Variants in EXOC6B observed in about 807,000 individuals in gnomAD.
EXOC6B encodes the protein SEC15 homolog B.
EXOC6B carries 54 observed loss-of-function variants against 113.5 expected under a neutral mutation model. The observed-to-expected ratio is 0.48, with a 90% CI of 0.38 to 0.60. The LOEUF is 0.60. EXOC6B is among the 20% of genes least tolerant of loss of function. The pLI is 0.00. For synonymous variants in EXOC6B, 357 were observed against 339.0 expected (o/e 1.05, Z -0.58); for missense variants, 797 against 977.5 (o/e 0.82, Z 2.46).
intron 20 of EXOC6B, among the ~76,000 whole-genome samples, chr2:72,228,270 C>CT (rs200347940): frequency 0.018 from 2,715 of 151,318 alleles, 67 homozygotes; most frequent in African/African-American, 0.059. Context: ...TCTCAGGTTT[C>CT]TTTTTTTTTA....
chr2:72,655,103 G>A lies in EXOC6B; in HGVS notation c.669+63000C>T, dbSNP rs376080935. On this transcript the variant is annotated intron_variant, in intron 6 of 21. Coordinates refer to ENST00000272427, the MANE Select transcript of EXOC6B (RefSeq NM_015189.3). ...GAACAAGTATGGTTTTCCAACTTAC[G>A]TGAGACACATATTCAGTGTCCAGAA... Among the ~76,000 whole-genome samples, 150 of 152,108 alleles carry A rather than the reference G, an allele frequency of 9.9e-4. 1 individual carries two copies. Among genetic ancestry groups the A allele is most frequent in the African/African-American group, 3.0e-3 (126 of 41,500 alleles).
chr2:72,401,645 ACATATATATATATATATATATG>A (rs1693312868), intron 18 of EXOC6B, among the ~76,000 whole-genome samples: 1 of 49,984 alleles, frequency 2.0e-5, no homozygotes, highest in African/African-American at 2.0e-4. Flanking sequence ...ATACATATAT[ACATATATATATATATATATATG>A]TATATATATA....
At chr2:72,714,155 T>G (rs1482835254) in intron 6 of EXOC6B, among the ~76,000 whole-genome samples, 1 of 152,188 alleles carries the variant, frequency 6.6e-6, no homozygotes, top group Non-Finnish European at 1.5e-5. Context: ...ATTATTAGAT[T>G]TTAGAGTTTG....
chr2:72,607,778 G>A (rs1032150023), intron 6 of EXOC6B, among the ~76,000 whole-genome samples: 2 of 152,134 alleles, frequency 1.3e-5, no homozygotes, highest in African/African-American at 4.8e-5. Flanking sequence ...TATTGGGTCA[G>A]TTAAACAGAT....
intron 18 of EXOC6B, among the ~76,000 whole-genome samples, chr2:72,437,032 G>A (rs548299200): frequency 7.9e-5 from 12 of 152,276 alleles, no homozygotes; most frequent in Admixed American, 1.3e-4. Context: ...CCTCATCTCC[G>A]TGGATTTATC....
chr2:72,221,958 C>G (rs1011165648), intron 20 of EXOC6B, among the ~76,000 whole-genome samples: 3 of 152,096 alleles, frequency 2.0e-5, no homozygotes, highest in Non-Finnish European at 4.4e-5. Context: ...CAATTAACAG[C>G]ATCAAGATGA....
chr2:72,675,391 T>G (rs1052611032), intron 6 of EXOC6B, among the ~76,000 whole-genome samples: 1 of 152,240 alleles, frequency 6.6e-6, no homozygotes, highest in Non-Finnish European at 1.5e-5. Flanking sequence ...CTGTGCAAAC[T>G]GGATTAATTA....
chr2:72,617,799 G>A (rs1429061723), intron 6 of EXOC6B, among the ~76,000 whole-genome samples: 1 of 151,988 alleles, frequency 6.6e-6, no homozygotes, highest in Non-Finnish European at 1.5e-5. Flanking sequence ...ACAGGCTTGA[G>A]CCACCGCGCC....
At chr2:72,590,738 A>G (rs193023192) in intron 6 of EXOC6B, among the ~76,000 whole-genome samples, 1 of 152,180 alleles carries the variant, frequency 6.6e-6, no homozygotes, top group East Asian at 1.9e-4. Context: ...CTAGACAGGT[A>G]TGATCAGTAT....
chr2:72,264,879 G>A (rs13392901), intron 20 of EXOC6B, among the ~76,000 whole-genome samples: 2 of 152,060 alleles, frequency 1.3e-5, no homozygotes, highest in Non-Finnish European at 2.9e-5. Flanking sequence ...ATGCTGAACT[G>A]TGAGTCAATT....
chr2:72,641,581 C>A (rs1673239029), intron 6 of EXOC6B, among the ~76,000 whole-genome samples: 1 of 152,242 alleles, frequency 6.6e-6, no homozygotes, highest in Non-Finnish European at 1.5e-5. Context: ...TGGGCAGAGC[C>A]CACTGCAGCT....
At chr2:72,480,884 G>A (rs1240066891) in intron 16 of EXOC6B, 134 bp from the exon 17 acceptor site, 31 of 854,740 alleles carry the variant, frequency 3.6e-5, no homozygotes, top group Admixed American at 8.2e-5. Flanking sequence ...CAAGGGGTAT[G>A]TTAAAGCATG....
intron 1 of EXOC6B, among the ~76,000 whole-genome samples, chr2:72,761,153 C>G (rs1682718925): frequency 6.6e-6 from 1 of 151,958 alleles, no homozygotes; most frequent in Non-Finnish European, 1.5e-5. Context: ...GCACTGCAAC[C>G]TGGCTGAAGA....
chr2:72,223,945 T>C (rs1681038687), intron 20 of EXOC6B, among the ~76,000 whole-genome samples: 1 of 152,226 alleles, frequency 6.6e-6, no homozygotes. Flanking sequence ...ATTCCAATTA[T>C]CACAATGGTC....
chr2:72,330,155 G>A (rs1688346081), intron 20 of EXOC6B, among the ~76,000 whole-genome samples: 1 of 152,040 alleles, frequency 6.6e-6, no homozygotes, highest in Non-Finnish European at 1.5e-5. Flanking sequence ...ATAATGGGAT[G>A]TTACTAAGAA....
chr2:72,338,637 T>A (rs1434702517), intron 19 of EXOC6B, among the ~76,000 whole-genome samples: 1 of 152,120 alleles, frequency 6.6e-6, no homozygotes, highest in African/African-American at 2.4e-5. Context: ...GGAAACATGA[T>A]TAACTTTTTA....
At chr2:72,628,094 C>T (rs1672170995) in intron 6 of EXOC6B, among the ~76,000 whole-genome samples, 1 of 151,886 alleles carries the variant, frequency 6.6e-6, no homozygotes, top group African/African-American at 2.4e-5. Context: ...TATAGAGATG[C>T]TTTTGGAGAA....
At chr2:72,525,162 G>A (rs1701694863) in intron 8 of EXOC6B, among the ~76,000 whole-genome samples, 1 of 152,212 alleles carries the variant, frequency 6.6e-6, no homozygotes, top group African/African-American at 2.4e-5. Flanking sequence ...TTATGGAGTA[G>A]TTGAGTCTGT....
chr2:72,794,613 T>C lies in EXOC6B; in HGVS notation c.113+31185A>G, dbSNP rs542668874. 5.3e-5 allele frequency among the ~76,000 whole-genome samples: 8 copies of C among 152,352 alleles called. 1 individual carries two copies. The East Asian group carries it at 1.5e-3, about 29-fold the overall frequency. The stretch of plus-strand genomic sequence containing the variant: ...AACCAGAAGCAGATAAATAAATTCA[T>C]TGTTATTTGATAAATGACCAAAGAA... On this transcript the variant is annotated intron_variant, in intron 1 of 21. Transcript: ENST00000272427.
Sources: gnomAD v4.1 joint callset for allele counts (sites outside exome capture counted in the v4.1 genomes callset) on GRCh38, gnomAD v4.1.1 for gene constraint, MANE v1.5 for transcripts, NCBI Gene and HGNC (gene_info 2026-07-23, HGNC 2026-07-21) for gene names.